SGCZ: variants seen among roughly 807,000 people sequenced by gnomAD.
SGCZ encodes the protein zeta-sarcoglycan.
In SGCZ, 40 loss-of-function variants were observed where a neutral mutation model predicts 41.3. The observed-to-expected ratio is 0.97, with a 90% CI of 0.75 to 1.26. The LOEUF is 1.26. Ranked by LOEUF, SGCZ falls within the 50% of genes most tolerant of loss-of-function variation. The pLI is 0.00. For missense variants in SGCZ, 552 were observed against 369.8 expected (o/e 1.49, Z -4.04); for synonymous variants, 206 against 137.5 (o/e 1.50, Z -3.49).
chr8:14,295,664 T>C, intron 3 of SGCZ, among the ~76,000 whole-genome samples: 1 of 152,086 alleles, frequency 6.6e-6, no homozygotes, highest in East Asian at 1.9e-4. Context: ...AAATGTGACA[T>C]ATTAAAAAAT....
intron 1 of SGCZ, among the ~76,000 whole-genome samples, chr8:14,808,908 T>G (rs200967074): frequency 0.12 from 18,597 of 150,932 alleles, 1,604 homozygotes; most frequent in African/African-American, 0.23. Flanking sequence ...CCATAAAAAA[T>G]GATGAGTTCA....
At chr8:14,224,335 TCTC>T (rs1435066745) in intron 4 of SGCZ, among the ~76,000 whole-genome samples, 1 of 152,072 alleles carries the variant, frequency 6.6e-6, no homozygotes, top group Non-Finnish European at 1.5e-5. Context: ...GGTTCAGTAT[TCTC>T]CTTGTCAGCA....
At chr8:14,171,569 T>C (rs1333523277) in intron 4 of SGCZ, among the ~76,000 whole-genome samples, 1 of 152,016 alleles carries the variant, frequency 6.6e-6, no homozygotes, top group East Asian at 1.9e-4. Flanking sequence ...ATTTATCACT[T>C]AAATATCATA....
chr8:14,426,252 A>G (rs1799779862), intron 2 of SGCZ, among the ~76,000 whole-genome samples: 1 of 152,280 alleles, frequency 6.6e-6, no homozygotes, highest in Non-Finnish European at 1.5e-5. Context: ...GGTACATCAG[A>G]TGGCAATAAG....
chr8:15,202,413 A>T (rs1337606370), intron 1 of SGCZ, among the ~76,000 whole-genome samples: 1 of 152,218 alleles, frequency 6.6e-6, no homozygotes, highest in African/African-American at 2.4e-5. Context: ...AAAGCCAAAC[A>T]TTGTGTCTTC....
In SGCZ at chr8:14,593,525, A is replaced by G. The variant is rs1057388320; in HGVS notation, c.40-38599T>C. ...ACACCTGCTTTCCAAGAAAATTTTA[A>G]TTAAAATATTTTCTTTGATTCTCAT... On this transcript the variant is annotated intron_variant, in intron 1 of 7. Transcript: ENST00000382080. Among the ~76,000 whole-genome samples, 5 of 152,324 alleles carry G rather than the reference A, an allele frequency of 3.3e-5. No homozygotes were observed. The East Asian group carries it at 9.7e-4, about 29-fold the overall frequency.
At chr8:14,555,966 G>T (rs553876829) in intron 1 of SGCZ, among the ~76,000 whole-genome samples, 1 of 151,942 alleles carries the variant, frequency 6.6e-6, no homozygotes, top group Non-Finnish European at 1.5e-5. Context: ...ATTTCATAAT[G>T]TAATGAAATT....
chr8:14,791,514 G>T (rs1349338824), intron 1 of SGCZ, among the ~76,000 whole-genome samples: 1 of 151,822 alleles, frequency 6.6e-6, no homozygotes, highest in Non-Finnish European at 1.5e-5. Context: ...ATCCCCTGTA[G>T]TTATCTATTT....
intron 1 of SGCZ, among the ~76,000 whole-genome samples, chr8:14,909,665 G>C (rs964723710): frequency 6.6e-5 from 10 of 152,122 alleles, no homozygotes; most frequent in African/African-American, 2.4e-4. Context: ...GGAAATATGG[G>C]AATTTTAATT....
At chr8:14,931,708 T>G (rs1016418410) in intron 1 of SGCZ, among the ~76,000 whole-genome samples, 1 of 152,090 alleles carries the variant, frequency 6.6e-6, no homozygotes, top group Non-Finnish European at 1.5e-5. Flanking sequence ...ATATAGTACT[T>G]GACATTCTTT....
chr8:14,812,344 C>A (rs1438262463), intron 1 of SGCZ, among the ~76,000 whole-genome samples: 1 of 151,938 alleles, frequency 6.6e-6, no homozygotes, highest in Non-Finnish European at 1.5e-5. Context: ...ACATAGTTGG[C>A]AATAAATTTA....
chr8:15,196,741 C>T (rs1051852922), intron 1 of SGCZ, among the ~76,000 whole-genome samples: 2 of 152,182 alleles, frequency 1.3e-5, no homozygotes, highest in Admixed American at 1.3e-4. Context: ...CCCACTAACT[C>T]GTTATCTAGC....
At chr8:15,198,304 G>C (rs1308011635) in intron 1 of SGCZ, among the ~76,000 whole-genome samples, 1 of 151,780 alleles carries the variant, frequency 6.6e-6, no homozygotes, top group African/African-American at 2.4e-5. Context: ...ATTGTACATT[G>C]AACTCAAATT....
chr8:15,071,165 T>C (rs979617051), intron 1 of SGCZ, among the ~76,000 whole-genome samples: 1 of 152,182 alleles, frequency 6.6e-6, no homozygotes, highest in Non-Finnish European at 1.5e-5. Flanking sequence ...TTTAGTAATG[T>C]GGCTTAGGCT....
chr8:14,926,032 A>T lies in SGCZ; in HGVS notation c.39+311553T>A, dbSNP rs375837048. Among the ~76,000 whole-genome samples, 3 of 152,334 alleles carry T rather than the reference A, an allele frequency of 2.0e-5. No individual in the cohort carries two copies. The East Asian group carries it at 5.8e-4, about 29-fold the overall frequency. ...ATCTCAGTGAGTCTTAAAGTTAACT[A>T]TGTGAAGAATGTAAATGAATTCCCA... is the stretch of plus-strand genomic sequence containing the variant. On this transcript the variant is annotated intron_variant, in intron 1 of 7. Coordinates refer to ENST00000382080, the MANE Select transcript of SGCZ (RefSeq NM_139167.4).
chr8:14,408,428 A>C (rs1799269201), intron 2 of SGCZ, among the ~76,000 whole-genome samples: 2 of 152,036 alleles, frequency 1.3e-5, no homozygotes, highest in Admixed American at 1.3e-4. Flanking sequence ...ATATCCAATA[A>C]ATCATGAAAT....
At chr8:15,153,134 T>C (rs1447322827) in intron 1 of SGCZ, among the ~76,000 whole-genome samples, 4 of 152,154 alleles carry the variant, frequency 2.6e-5, no homozygotes, top group Non-Finnish European at 5.9e-5. Context: ...GAATAATATA[T>C]AATTAGTACA....
chr8:14,270,163 GT>G (rs71541659), intron 3 of SGCZ, among the ~76,000 whole-genome samples: 44,053 of 151,634 alleles, frequency 0.29, 7,511 homozygotes, highest in Non-Finnish European at 0.39. Flanking sequence ...GAAACCCTGT[GT>G]TCTATGAATA....
At chr8:14,767,046 T>G (rs1346194954) in intron 1 of SGCZ, among the ~76,000 whole-genome samples, 2 of 144,462 alleles carry the variant, frequency 1.4e-5, no homozygotes, top group Non-Finnish European at 3.1e-5. Context: ...CACAATTATA[T>G]AAATTTTATC....
Sources: allele counts gnomAD v4.1 joint callset (sites outside exome capture counted in the v4.1 genomes callset), GRCh38; gene constraint gnomAD v4.1.1; transcripts MANE v1.5; gene names NCBI Gene and HGNC (gene_info 2026-07-23, HGNC 2026-07-21).